MYO5B: variants seen among roughly 807,000 people sequenced by gnomAD.
MYO5B encodes the protein myosin VB, also known as unconventional myosin-Vb.
In MYO5B, 143 loss-of-function variants were observed where a neutral mutation model predicts 229.3. That is an observed-to-expected ratio of 0.62 (90% CI 0.54 to 0.72). The LOEUF (loss-of-function observed/expected upper bound fraction) is 0.72. MYO5B is among the 30% of genes least tolerant of loss of function. The probability of loss-of-function intolerance (pLI) is 0.00; values close to 1 mark genes in which losing one functional copy is unlikely to be tolerated. For synonymous variants in MYO5B, 918 were observed against 885.2 expected (o/e 1.04, Z -0.66); for missense variants, 2,321 against 2,331.0 (o/e 1.00, Z 0.09).
At chr18:49,983,649 G>T (rs1181879355) in intron 8 of MYO5B, among the ~76,000 whole-genome samples, 2 of 152,134 alleles carry the variant, frequency 1.3e-5, no homozygotes, top group African/African-American at 2.4e-5. Context: ...CCCTTTTGTA[G>T]TCAATCACCT....
chr18:50,096,402 C>T (rs1325422312), intron 1 of MYO5B, among the ~76,000 whole-genome samples: 1 of 152,148 alleles, frequency 6.6e-6, no homozygotes, highest in African/African-American at 2.4e-5. Flanking sequence ...TTAAATTAGG[C>T]TGTGAAGGCC....
Position 50,006,942 on chromosome 18 carries a change from G to A in MYO5B, c.456-5531C>T, listed in dbSNP as rs141223933. On this transcript the variant is annotated intron_variant, in intron 4 of 39. Transcript: ENST00000285039. The stretch of plus-strand genomic sequence containing the variant: ...AGCTATATGTACACAGAACCCACAC[G>A]GCAGCACTACTCAAAGCATCTCAGA... Among the ~76,000 whole-genome samples, 70 of 152,224 alleles carry A rather than the reference G, an allele frequency of 4.6e-4. No individual in the cohort carries two copies. In the East Asian group the frequency reaches 0.011, roughly 23 times the overall value.
chr18:50,163,902 T>C (rs770349662), intron 1 of MYO5B, among the ~76,000 whole-genome samples: 30 of 152,214 alleles, frequency 2.0e-4, no homozygotes, highest in Non-Finnish European at 3.4e-4. Flanking sequence ...TCAGGTGACT[T>C]CAAACATCCC....
chr18:50,012,404 T>C (rs1391126012), intron 4 of MYO5B, among the ~76,000 whole-genome samples: 1 of 152,256 alleles, frequency 6.6e-6, no homozygotes, highest in Non-Finnish European at 1.5e-5. Context: ...CTGCTCTTCC[T>C]GGCTGAAGAC....
intron 4 of MYO5B, among the ~76,000 whole-genome samples, chr18:50,001,851 G>GT (rs1307672277): frequency 6.6e-6 from 1 of 152,054 alleles, no homozygotes; most frequent in Non-Finnish European, 1.5e-5. Context: ...CTAACATGGT[G>GT]AAACCCTGTC....
chr18:49,942,735 G>A (rs1287063708), intron 14 of MYO5B, among the ~76,000 whole-genome samples: 1 of 151,852 alleles, frequency 6.6e-6, no homozygotes, highest in Non-Finnish European at 1.5e-5. Context: ...GAGAGGATGT[G>A]GAGAAATAGG....
chr18:49,847,504 A>G (rs983722724), intron 32 of MYO5B, among the ~76,000 whole-genome samples: 5 of 152,170 alleles, frequency 3.3e-5, no homozygotes, highest in Non-Finnish European at 7.3e-5. Flanking sequence ...CCACACCCCA[A>G]GTGTGAGGAG....
chr18:50,033,878 T>C (rs1031217597), intron 4 of MYO5B, among the ~76,000 whole-genome samples: 24 of 141,846 alleles, frequency 1.7e-4, no homozygotes, highest in Non-Finnish European at 2.9e-4. Flanking sequence ...CCTCTAACTT[T>C]CCTCCAGCAC....
At chr18:49,981,515 G>A (rs948628336) in intron 8 of MYO5B, among the ~76,000 whole-genome samples, 2 of 152,170 alleles carry the variant, frequency 1.3e-5, no homozygotes, top group Non-Finnish European at 2.9e-5. Flanking sequence ...ATGTTAGATG[G>A]CCACTACCAT....
At chr18:49,863,391 C>CAA in intron 28 of MYO5B, 64 bp from the exon 29 acceptor site, 1 of 1,385,194 alleles carries the variant, frequency 7.2e-7, no homozygotes, top group Non-Finnish European at 1.0e-6. Flanking sequence ...GCTTTATATA[C>CAA]AAACAGGTAT....
intron 17 of MYO5B, among the ~76,000 whole-genome samples, chr18:49,928,909 C>G (rs936412302): frequency 2.6e-5 from 4 of 152,114 alleles, no homozygotes; most frequent in Non-Finnish European, 4.4e-5. Flanking sequence ...TAAGTGGGAG[C>G]TAAGCTATGA....
At chr18:49,972,962 C>T (rs1042039982) in intron 10 of MYO5B, among the ~76,000 whole-genome samples, 1 of 152,182 alleles carries the variant, frequency 6.6e-6, no homozygotes, top group Non-Finnish European at 1.5e-5. Flanking sequence ...CTTGGTTGCA[C>T]TCCTGTTCCC....
chr18:50,023,333 C>T (rs1437998611), intron 4 of MYO5B, among the ~76,000 whole-genome samples: 1 of 152,078 alleles, frequency 6.6e-6, no homozygotes, highest in African/African-American at 2.4e-5. Context: ...TGCAGTGGGC[C>T]CACAACACAC....
chr18:49,823,941 A>T lies in MYO5B; in HGVS notation c.*2530T>A, dbSNP rs1026895676. ...ACTCCCCCATGATATCACCTTGAAC[A>T]TTAAAATTATTCCCACAGCAACACT... is the stretch of plus-strand genomic sequence containing the variant. On this transcript the variant is annotated 3_prime_UTR_variant, in exon 40 of 40. Transcript: ENST00000285039. 6.5e-6 allele frequency: 1 copy of T among 152,684 alleles called. No individual in the cohort carries two copies. The highest frequency in any genetic ancestry group is 2.4e-5 in the African/African-American group (1 of 41,470). 9.5% of individuals were successfully genotyped at this position (152,684 alleles called of 1,614,324 possible).
At chr18:49,929,664 A>C (rs1428678714) in intron 16 of MYO5B, 66 bp from the exon 17 acceptor site, 2 of 1,386,248 alleles carry the variant, frequency 1.4e-6, no homozygotes, top group Non-Finnish European at 2.0e-6. Flanking sequence ...TGCAAAAAAG[A>C]AACAAAAAAG....
intron 16 of MYO5B, among the ~76,000 whole-genome samples, chr18:49,930,567 T>C (rs2025178373): frequency 1.3e-5 from 2 of 152,004 alleles, no homozygotes; most frequent in East Asian, 1.9e-4. Flanking sequence ...CAGAGAGCAA[T>C]TGTCTGAGGT....
chr18:49,858,104 C>T (rs2024284418), intron 29 of MYO5B, among the ~76,000 whole-genome samples: 1 of 152,210 alleles, frequency 6.6e-6, no homozygotes, highest in Non-Finnish European at 1.5e-5. Context: ...GGACTTCCTC[C>T]TCAGCCAGGG....
chr18:49,921,908 C>G (rs2025080125), intron 17 of MYO5B, among the ~76,000 whole-genome samples: 1 of 152,196 alleles, frequency 6.6e-6, no homozygotes, highest in South Asian at 2.1e-4. Context: ...TTGGAGATGG[C>G]ATAAATTGTA....
intron 4 of MYO5B, among the ~76,000 whole-genome samples, chr18:50,032,526 T>A (rs1240483434): frequency 6.6e-6 from 1 of 152,218 alleles, no homozygotes; most frequent in Non-Finnish European, 1.5e-5. Flanking sequence ...ATCAATGTGG[T>A]AGCATGTATC....
Sources: allele counts gnomAD v4.1 joint callset (sites outside exome capture counted in the v4.1 genomes callset), GRCh38; gene constraint gnomAD v4.1.1; transcripts MANE v1.5; gene names NCBI Gene and HGNC (gene_info 2026-07-23, HGNC 2026-07-21).